The following MOB4 variants were observed in gnomAD, a reference collection of about 807,000 sequenced individuals.
The protein encoded by MOB4 is MOB family member 4, phocein, also known as MOB-like protein phocein.
MOB4 carries 4 observed loss-of-function variants against 32.2 expected under a neutral mutation model. That is an observed-to-expected ratio of 0.12 (90% CI 0.06 to 0.28). MOB4 has a LOEUF of 0.28. Among genes scored for constraint, MOB4 ranks in the 10% least tolerant of loss-of-function variants. MOB4 has a pLI of 1.00. For missense variants in MOB4, 158 were observed against 271.2 expected, an observed-to-expected ratio of 0.58 and a Z score of 2.93; for synonymous variants, 88 against 88.1, an observed-to-expected ratio of 1.00 and a Z score of 0.01.
At chr2:197,516,480 A>G (rs940058994) in intron 1 of MOB4, 6 of 1,007,278 alleles carry the variant, frequency 6.0e-6, no homozygotes, top group Non-Finnish European at 8.2e-6. Context: ...CTAGCATTGG[A>G]GGGGCGCGAC....
intron 2 of MOB4, 61 bp from the exon 3 acceptor site, chr2:197,535,469 T>G (rs928861786): frequency 6.7e-7 from 1 of 1,489,012 alleles, no homozygotes; most frequent in African/African-American, 1.4e-5. Flanking sequence ...TTATATGTAC[T>G]TAACATAAGA....
intron 1 of MOB4, among the ~76,000 whole-genome samples, chr2:197,522,226 A>G (rs934760410): frequency 6.6e-6 from 1 of 151,840 alleles, no homozygotes; most frequent in African/African-American, 2.4e-5. Flanking sequence ...TTTTAAATGT[A>G]CAATTAAATT....
rs1194528578 is a variant in MOB4, at chr2:197,550,583, C to T, written c.615C>T (p.Asn205=). Residue 205 remains asparagine, a synonymous_variant, in exon 8 of 8, where the codon AAC becomes AAT. Coordinates refer to ENST00000323303, the MANE Select transcript of MOB4 (RefSeq NM_015387.5). The part of the protein sequence containing the change: ...VMKYNLMSKD[N]LIVPILEEEV... ...AATACAATTTGATGTCCAAGGATAACCTGATTGTACCAATTTTAGAAGAGG... is the reference window on the plus strand; with the variant it reads ...AATACAATTTGATGTCCAAGGATAATCTGATTGTACCAATTTTAGAAGAGG... 3.7e-6 allele frequency: 6 copies of T among 1,608,174 alleles called. No homozygotes were observed. Among genetic ancestry groups the T allele is most frequent in the Admixed American group, 3.4e-5 (2 of 58,574 alleles).
Position 197,551,471 on chromosome 2 carries a change from C to A in MOB4, c.*825C>A, listed in dbSNP as rs2087096807. The A allele has an allele frequency of 2.0e-5, 3 of 152,660 alleles. No individual in the cohort carries two copies. 9.5% of individuals were successfully genotyped at this position (152,660 alleles called of 1,614,324 possible). A position where few individuals can be genotyped will look rare whatever the true frequency, so the allele number is the denominator to read the frequency against. On this transcript the variant is annotated 3_prime_UTR_variant, in exon 8 of 8. Coordinates refer to ENST00000323303, the MANE Select transcript of MOB4 (RefSeq NM_015387.5). ...TGTATTAATTGCTTACAGATTATAC[C>A]TCATATTAGCAATTACATTACACTA...
At chr2:197,550,214 C>A in intron 6 of MOB4, 61 bp from the exon 7 acceptor site, 1 of 1,460,614 alleles carries the variant, frequency 6.8e-7, no homozygotes, top group Non-Finnish European at 9.2e-7. Context: ...AGAAATTGGA[C>A]TATATTGTTC....
chr2:197,532,773 C>T (rs1014980849), intron 2 of MOB4, among the ~76,000 whole-genome samples: 3 of 151,890 alleles, frequency 2.0e-5, no homozygotes, highest in African/African-American at 7.3e-5. Context: ...GTAAGTTGTG[C>T]TATTAAGTGT....
chr2:197,534,494 A>G (rs980040027), intron 2 of MOB4, among the ~76,000 whole-genome samples: 1 of 152,286 alleles, frequency 6.6e-6, no homozygotes, highest in Non-Finnish European at 1.5e-5. Context: ...GAGTGATTAT[A>G]TTCACAGGGT....
chr2:197,536,254 A>C (rs2086796222), intron 3 of MOB4, among the ~76,000 whole-genome samples: 2 of 151,868 alleles, frequency 1.3e-5, no homozygotes, highest in Non-Finnish European at 2.9e-5. Context: ...CCTAGGCTGG[A>C]ATGCAGTGGT....
chr2:197,544,614 G>A (rs1425958408), intron 5 of MOB4, among the ~76,000 whole-genome samples: 3 of 151,968 alleles, frequency 2.0e-5, no homozygotes, highest in Non-Finnish European at 2.9e-5. Flanking sequence ...TTACCCGGGC[G>A]CTGTGGCGTG....
At chr2:197,527,544 C>A (rs147778886) in intron 2 of MOB4, among the ~76,000 whole-genome samples, 14 of 152,250 alleles carry the variant, frequency 9.2e-5, no homozygotes, top group African/African-American at 3.4e-4. Context: ...CTTGTGGATT[C>A]TTTGGGATTT....
chr2:197,539,569 C>T (rs2086862846), intron 3 of MOB4, among the ~76,000 whole-genome samples: 1 of 152,100 alleles, frequency 6.6e-6, no homozygotes, highest in Admixed American at 6.6e-5. Flanking sequence ...TCACCTGCCT[C>T]GGCCTCCCAA....
At position 197,550,688 on chromosome 2, in the gene MOB4, T is replaced by C. The variant is rs766654247; in HGVS notation, c.*42T>C. 1.9e-6 allele frequency: 3 copies of C among 1,539,434 alleles called. No homozygotes were observed. Among genetic ancestry groups the C allele is most frequent in the Non-Finnish European group, 2.6e-6 (3 of 1,150,310 alleles). On this transcript the variant is annotated 3_prime_UTR_variant, in exon 8 of 8. Coordinates refer to ENST00000323303, the MANE Select transcript of MOB4 (RefSeq NM_015387.5). ...AATGTACTGATCATATAATTAACAT[T>C]ATGTACTGTATATATCATTTTAGAC...
chr2:197,533,731 A>G (rs1405891321), intron 2 of MOB4: 1 of 338,502 alleles, frequency 3.0e-6, no homozygotes, highest in Non-Finnish European at 5.6e-6. Context: ...TCAAAAAAAA[A>G]AAAAAAAAAA....
At chr2:197,544,487 C>T (rs993315930) in intron 5 of MOB4, among the ~76,000 whole-genome samples, 2 of 152,180 alleles carry the variant, frequency 1.3e-5, no homozygotes, top group African/African-American at 2.4e-5. Flanking sequence ...GGCGCGGTGG[C>T]TCACGCCTGT....
chr2:197,525,625 T>C (rs1559315667), intron 2 of MOB4, among the ~76,000 whole-genome samples: 1 of 149,938 alleles, frequency 6.7e-6, no homozygotes, highest in Non-Finnish European at 1.5e-5. Flanking sequence ...CCTAGCTACT[T>C]AGGAGGCTGA....
intron 1 of MOB4, among the ~76,000 whole-genome samples, chr2:197,517,700 TAAA>T (rs1335686503): frequency 1.3e-5 from 2 of 152,050 alleles, no homozygotes; most frequent in Non-Finnish European, 2.9e-5. Context: ...AGAAAAAGGA[TAAA>T]AAATGAAAAA....
chr2:197,541,046 A>T (rs1371494852), intron 5 of MOB4, among the ~76,000 whole-genome samples: 2 of 151,804 alleles, frequency 1.3e-5, no homozygotes, highest in African/African-American at 4.8e-5. Context: ...GATTACAGGC[A>T]TGCGCTATCA....
upstream of MOB4, chr2:197,516,060 G>A (rs761606785): frequency 2.6e-6 from 4 of 1,568,342 alleles, no homozygotes; most frequent in East Asian, 9.3e-5. Flanking sequence ...TCCGGGTACC[G>A]ACTCCAGCCG....
At chr2:197,516,012 G>A (rs1249046689), upstream of MOB4, 19 of 1,470,422 alleles carry the variant, frequency 1.3e-5, no homozygotes, top group Admixed American at 6.1e-5. Context: ...GCAGAGCGCC[G>A]CTCTGCCCCG....
Sources: allele counts gnomAD v4.1 joint callset (sites outside exome capture counted in the v4.1 genomes callset), GRCh38; gene constraint gnomAD v4.1.1; transcripts MANE v1.5; gene names NCBI Gene and HGNC (gene_info 2026-07-23, HGNC 2026-07-21).